Variants in VPS37C observed in about 807,000 individuals in gnomAD.
VPS37C encodes VPS37C subunit of ESCRT-I.
A neutral mutation model predicts 16.1 loss-of-function variants in VPS37C; 9 were observed. The observed-to-expected ratio is 0.56, with a 90% confidence interval of 0.34 to 0.97. The LOEUF (loss-of-function observed/expected upper bound fraction) is 0.97, where lower values mean the gene tolerates loss of function less well. VPS37C is among the 50% of genes least tolerant of loss of function. The pLI is 0.02. For missense variants in VPS37C, 479 were observed against 472.7 expected (o/e 1.01, Z -0.12); for synonymous variants, 207 against 206.4 (o/e 1.00, Z -0.02).
intron 1 of VPS37C, among the ~76,000 whole-genome samples, chr11:61,157,709 A>G (rs1473228740): frequency 6.6e-6 from 1 of 152,234 alleles, no homozygotes; most frequent in African/African-American, 2.4e-5. Flanking sequence ...AGCAAAGACT[A>G]TTTCCGGGGG....
chr11:61,134,168 T>G lies in VPS37C; in HGVS notation c.133A>C (p.Thr45Pro), dbSNP rs1262274398. 1 of 1,613,954 alleles carries G rather than the reference T, an allele frequency of 6.2e-7. No homozygotes were observed. The highest frequency in any genetic ancestry group is 8.5e-7 in the Non-Finnish European group (1 of 1,179,906). ...TTCCGCTCTGCCAGGCTCCGGTTGG[T>G]GGCCAGTGCCATCTCCCGTTCCAGC... ...LQLEREMALA[T>P]NRSLAERNLE... is the part of the protein sequence containing the mutation. The change falls in exon 3 of 5, where the codon ACC (threonine) becomes CCC (proline). Residue 45 changes from threonine (T) to proline (P), a missense_variant. By Grantham distance (38) the Thr-to-Pro change is conservative (BLOSUM62 -1). Transcript: ENST00000301765.
At chr11:61,149,057 G>A (rs574315149) in intron 1 of VPS37C, among the ~76,000 whole-genome samples, 29 of 152,366 alleles carry the variant, frequency 1.9e-4, no homozygotes, top group East Asian at 1.5e-3. Context: ...CAAGGCGGGC[G>A]GACCACGAGG....
In VPS37C at chr11:61,134,103, G is replaced by T. The variant is rs756900501; in HGVS notation, c.198C>A (p.Asn66Lys). ...GGAGCTCCTGGTATCTATCCGAGAG[G>T]TTTGAGCGGCTGATCTCCAGGGGAC... ...FQGPLEISRSNLSDRYQELRK... is the reference protein window; with the variant it reads ...FQGPLEISRSKLSDRYQELRK... The change falls in exon 3 of 5, where the codon AAC (asparagine) becomes AAA (lysine). Residue 66 changes from asparagine to lysine, a missense_variant. By Grantham distance (94) the Asn-to-Lys change is moderately conservative. Transcript: ENST00000301765. The T allele has an allele frequency of 3.2e-5, 51 of 1,613,870 alleles. 1 individual carries two copies. The Middle Eastern group carries it at 4.9e-4, about 16-fold the overall frequency.
intron 1 of VPS37C, among the ~76,000 whole-genome samples, chr11:61,154,827 A>C (rs992117154): frequency 6.6e-6 from 1 of 152,204 alleles, no homozygotes; most frequent in African/African-American, 2.4e-5. Flanking sequence ...AGTTAGGGCC[A>C]GGCACAGTGG....
intron 1 of VPS37C, among the ~76,000 whole-genome samples, chr11:61,153,464 C>T (rs761196330): frequency 1.3e-5 from 2 of 152,116 alleles, no homozygotes; most frequent in African/African-American, 2.4e-5. Flanking sequence ...TGTGAAAAAA[C>T]GGACTAATAC....
chr11:61,155,591 GA>G (rs894865351), intron 1 of VPS37C, among the ~76,000 whole-genome samples: 2 of 148,520 alleles, frequency 1.3e-5, no homozygotes, highest in Non-Finnish European at 1.5e-5. Context: ...TTAAAGCACT[GA>G]AAAAAAAAAT....
intron 1 of VPS37C, among the ~76,000 whole-genome samples, chr11:61,157,327 T>C (rs998999216): frequency 6.6e-5 from 10 of 152,272 alleles, no homozygotes; most frequent in African/African-American, 2.4e-4. Flanking sequence ...TATTTGCCAC[T>C]GGCTATACCA....
At chr11:61,148,237 C>A (rs957526675) in intron 1 of VPS37C, among the ~76,000 whole-genome samples, 1 of 152,146 alleles carries the variant, frequency 6.6e-6, no homozygotes, top group African/African-American at 2.4e-5. Context: ...CTCGCCTTAC[C>A]AGACAACACT....
rs558625275 is a variant in VPS37C, at chr11:61,146,549, G to A, written c.-6-7714C>T. Among the ~76,000 whole-genome samples, 115 of 152,322 alleles carry A rather than the reference G, an allele frequency of 7.5e-4. 1 individual carries two copies. Among genetic ancestry groups the A allele is most frequent in the African/African-American group, 2.6e-3 (108 of 41,582 alleles). On this transcript the variant is annotated intron_variant, in intron 1 of 4. Transcript: ENST00000301765. Reference sequence around the variant, plus strand: ...ATGCCAGGAGCAGCACAGCCCAGGCGGGAGCCACTGCAGATCCAAGGGGCT... The same window carrying A: ...ATGCCAGGAGCAGCACAGCCCAGGCAGGAGCCACTGCAGATCCAAGGGGCT...
Position 61,138,848 on chromosome 11 carries a change from T to A in VPS37C, c.-6-13A>T. On this transcript the variant is annotated splice_polypyrimidine_tract_variant and intron_variant, in intron 1 of 4. Coordinates refer to ENST00000301765, the MANE Select transcript of VPS37C (RefSeq NM_017966.5). ...TCTCCATCCTTCCCTGTGAACACAG[T>A]GACACCAAAGTAACGAACAGGCAGC... 1.9e-6 allele frequency: 3 copies of A among 1,611,408 alleles called. No homozygotes were observed. Among genetic ancestry groups the A allele is most frequent in the Middle Eastern group, 1.7e-4 (1 of 6,054 alleles).
At chr11:61,132,960 G>C in intron 4 of VPS37C, 2 of 545,752 alleles carry the variant, frequency 3.7e-6, no homozygotes, top group Non-Finnish European at 6.6e-6. Flanking sequence ...AGCAGGGAGA[G>C]TGGAGTAGGG....
intron 1 of VPS37C, among the ~76,000 whole-genome samples, chr11:61,155,419 A>G (rs1331325814): frequency 6.6e-6 from 1 of 151,456 alleles, no homozygotes; most frequent in Admixed American, 6.6e-5. Context: ...GGATCACTTG[A>G]GCCCAGAAGT....
At chr11:61,152,149 C>G (rs1853306961) in intron 1 of VPS37C, among the ~76,000 whole-genome samples, 1 of 152,128 alleles carries the variant, frequency 6.6e-6, no homozygotes, top group East Asian at 1.9e-4. Flanking sequence ...ACCGGTCATG[C>G]AAGGTGTGTC....
intron 1 of VPS37C, among the ~76,000 whole-genome samples, chr11:61,141,792 G>A (rs923562562): frequency 2.0e-5 from 3 of 152,256 alleles, no homozygotes; most frequent in Non-Finnish European, 2.9e-5. Context: ...CACCCAAGGG[G>A]AGGCCCACCA....
At position 61,132,022 on chromosome 11, in the gene VPS37C, C is replaced by T. The variant is rs146462600; in HGVS notation, c.866G>A (p.Gly289Asp). The change falls in exon 5 of 5, where the codon GGC becomes GAC. Residue 289 changes from glycine to aspartate, a missense_variant. Physicochemically the swap from Gly to Asp is moderately conservative, Grantham distance 94. Transcript: ENST00000301765. The stretch of plus-strand genomic sequence containing the variant: ...AGGATAACCAGGACTGGGGGCCCTG[C>T]CTCCCCGCAAGGGGTACCCAGGCCC... ...ASGPGYPLRG[G>D]RAPSPGYPQQ... 47 of 1,373,690 alleles carry T rather than the reference C, an allele frequency of 3.4e-5. No individual in the cohort carries two copies. Among genetic ancestry groups the T allele is most frequent in the Non-Finnish European group, 4.2e-5 (44 of 1,059,660 alleles). 85.1% of individuals were successfully genotyped at this position (1,373,690 alleles called of 1,614,324 possible). A position where few individuals can be genotyped will look rare whatever the true frequency, so the allele number is the denominator to read the frequency against.
intron 1 of VPS37C, among the ~76,000 whole-genome samples, chr11:61,148,687 A>G (rs1280149746): frequency 6.6e-6 from 1 of 151,902 alleles, no homozygotes; most frequent in African/African-American, 2.4e-5. Context: ...AACCATGGAG[A>G]GGAAGGCGTT....
intron 1 of VPS37C, among the ~76,000 whole-genome samples, chr11:61,141,344 G>A (rs904872554): frequency 2.1e-4 from 32 of 151,834 alleles, no homozygotes; most frequent in African/African-American, 7.7e-4. Context: ...CTCCAGCCTG[G>A]GCAACCGAGC....
intron 1 of VPS37C, among the ~76,000 whole-genome samples, chr11:61,142,281 G>C (rs1373587507): frequency 1.3e-5 from 2 of 152,222 alleles, no homozygotes; most frequent in Non-Finnish European, 2.9e-5. Flanking sequence ...GCTCAGGCTA[G>C]AGTGCAATGG....
chr11:61,141,859 G>A (rs1861477499), intron 1 of VPS37C, among the ~76,000 whole-genome samples: 1 of 149,844 alleles, frequency 6.7e-6, no homozygotes, highest in African/African-American at 2.6e-5. Context: ...CAGCCAGGTG[G>A]AGGATGGAAG....
Sources: allele counts gnomAD v4.1 joint callset (sites outside exome capture counted in the v4.1 genomes callset), GRCh38; gene constraint gnomAD v4.1.1; transcripts MANE v1.5; gene names NCBI Gene and HGNC (gene_info 2026-07-23, HGNC 2026-07-21).